Variants in RARB observed in about 807,000 individuals in gnomAD.
RARB encodes the protein retinoic acid receptor beta, also known as HBV-activated protein.
Under a neutral mutation model 51.9 loss-of-function variants are expected in RARB, and 17 were observed. The observed-to-expected ratio is 0.33, with a 90% CI of 0.22 to 0.49. The LOEUF (loss-of-function observed/expected upper bound fraction) is 0.49, where lower values mean the gene tolerates loss of function less well. Among genes scored for constraint, RARB ranks in the 20% least tolerant of loss-of-function variants. The pLI is 0.99. For synonymous variants in RARB, 215 were observed against 195.4 expected (o/e 1.10, Z -0.84); for missense variants, 369 against 550.8 (o/e 0.67, Z 3.30).
At chr3:24,952,436 T>C (rs747513235) in intron 2 of RARB, among the ~76,000 whole-genome samples, 1 of 152,188 alleles carries the variant, frequency 6.6e-6, no homozygotes, top group Non-Finnish European at 1.5e-5. Flanking sequence ...GGTTTTCCTT[T>C]ACTAAAATGT....
At chr3:24,859,754 T>A (rs1444449330) in intron 2 of RARB, among the ~76,000 whole-genome samples, 5 of 152,222 alleles carry the variant, frequency 3.3e-5, no homozygotes, top group Admixed American at 3.3e-4. Context: ...ACAGTAAATA[T>A]TTTAGGCTTT....
At chr3:25,012,777 C>T (rs1426719945) in intron 2 of RARB, among the ~76,000 whole-genome samples, 3 of 151,892 alleles carry the variant, frequency 2.0e-5, no homozygotes, top group Admixed American at 6.6e-5. Context: ...AATTTGTGCA[C>T]ATAAAATGAA....
At chr3:25,516,873 C>A (rs73149307) in intron 3 of RARB, among the ~76,000 whole-genome samples, 5,790 of 152,202 alleles carry the variant, frequency 0.038, 354 homozygotes, top group African/African-American at 0.13. Flanking sequence ...GTGATCCACA[C>A]ACCTCGCCCT....
At chr3:25,273,296 A>G (rs1454363040) in intron 5 of RARB, among the ~76,000 whole-genome samples, 1 of 152,178 alleles carries the variant, frequency 6.6e-6, no homozygotes, top group African/African-American at 2.4e-5. Flanking sequence ...TTTCTTTTAC[A>G]TCTCAAGTCT....
At chr3:24,971,992 T>C (rs200815348) in intron 2 of RARB, among the ~76,000 whole-genome samples, 11 of 151,328 alleles carry the variant, frequency 7.3e-5, no homozygotes, top group African/African-American at 2.4e-4. Flanking sequence ...TTATTTTTCT[T>C]TAGGAACATT....
At chr3:25,546,342 G>T (rs1051916323) in intron 3 of RARB, among the ~76,000 whole-genome samples, 3 of 152,140 alleles carry the variant, frequency 2.0e-5, no homozygotes, top group Admixed American at 6.5e-5. Flanking sequence ...CTGCTCCGTC[G>T]AGCACAGACT....
intron 2 of RARB, among the ~76,000 whole-genome samples, chr3:24,952,617 C>G (rs573528825): frequency 6.6e-6 from 1 of 152,106 alleles, no homozygotes; most frequent in Non-Finnish European, 1.5e-5. Context: ...TAGCTTGGTG[C>G]GTGGCACAGC....
intron 5 of RARB, among the ~76,000 whole-genome samples, chr3:25,191,085 A>T (rs952641435): frequency 3.9e-5 from 6 of 152,162 alleles, no homozygotes; most frequent in Non-Finnish European, 7.4e-5. Context: ...CAGCATGGGC[A>T]TGTATTACAG....
chr3:25,269,250 A>G (rs1364435890), intron 5 of RARB, among the ~76,000 whole-genome samples: 3 of 152,208 alleles, frequency 2.0e-5, no homozygotes, highest in South Asian at 2.1e-4. Flanking sequence ...AAATGAGTCC[A>G]TGAATCTCCT....
intron 3 of RARB, 56 bp downstream of exon 3, chr3:25,501,379 C>T (rs1697308081): frequency 6.3e-7 from 1 of 1,588,740 alleles, no homozygotes; most frequent in Non-Finnish European, 8.5e-7. Flanking sequence ...GTGATTTGCT[C>T]ACCTTCCACA....
intron 5 of RARB, among the ~76,000 whole-genome samples, chr3:25,373,651 T>G (rs1049386851): frequency 2.0e-5 from 3 of 152,320 alleles, no homozygotes; most frequent in Admixed American, 6.5e-5. Flanking sequence ...TCTTAAGATC[T>G]GTACTGTTGT....
At chr3:25,132,224 A>G (rs1699965548) in intron 4 of RARB, among the ~76,000 whole-genome samples, 1 of 151,804 alleles carries the variant, frequency 6.6e-6, no homozygotes, top group Admixed American at 6.6e-5. Context: ...TCTTTCCTGT[A>G]CCAAGGTGCT....
intron 2 of RARB, among the ~76,000 whole-genome samples, chr3:24,952,363 A>G (rs1170411144): frequency 1.3e-5 from 2 of 152,148 alleles, no homozygotes; most frequent in Non-Finnish European, 2.9e-5. Flanking sequence ...CCACCCACCC[A>G]ATGAAATACA....
chr3:25,514,630 T>TA (rs1698067688), intron 3 of RARB, among the ~76,000 whole-genome samples: 1 of 152,236 alleles, frequency 6.6e-6, no homozygotes, highest in Non-Finnish European at 1.5e-5. Context: ...AAGGGGATTA[T>TA]AACGTCAGTT....
At chr3:25,500,236 C>G (rs530908029) in intron 2 of RARB, among the ~76,000 whole-genome samples, 12 of 152,006 alleles carry the variant, frequency 7.9e-5, no homozygotes, top group Non-Finnish European at 1.6e-4. Context: ...TTTAAGTAGC[C>G]TCATGTGACT....
chr3:24,854,078 T>C (rs1702600982), intron 1 of RARB, among the ~76,000 whole-genome samples: 1 of 152,138 alleles, frequency 6.6e-6, no homozygotes, highest in South Asian at 2.1e-4. Context: ...GTCGTGTAGT[T>C]TCATCGTAAA....
chr3:25,559,010 A>G (rs1700165544), intron 3 of RARB, among the ~76,000 whole-genome samples: 1 of 151,894 alleles, frequency 6.6e-6, no homozygotes, highest in African/African-American at 2.4e-5. Flanking sequence ...TTCAAACATG[A>G]TGTAGTCATT....
chr3:25,419,740 AT>A (rs1366510438), intron 5 of RARB, among the ~76,000 whole-genome samples: 1 of 152,164 alleles, frequency 6.6e-6, no homozygotes, highest in Non-Finnish European at 1.5e-5. Context: ...CAGATCCTAC[AT>A]TTTAGCATTG....
At chr3:25,419,658 A>G (rs1707805063) in intron 5 of RARB, among the ~76,000 whole-genome samples, 1 of 152,064 alleles carries the variant, frequency 6.6e-6, no homozygotes, top group Non-Finnish European at 1.5e-5. Flanking sequence ...TAGACCCCCA[A>G]CCCCAGAAAT....
Sources: gnomAD v4.1 joint callset for allele counts (sites outside exome capture counted in the v4.1 genomes callset) on GRCh38, gnomAD v4.1.1 for gene constraint, MANE v1.5 for transcripts, NCBI Gene and HGNC (gene_info 2026-07-23, HGNC 2026-07-21) for gene names.